ANKAR: variants seen among roughly 807,000 people sequenced by gnomAD.
The protein encoded by ANKAR is ankyrin and armadillo repeat-containing protein.
In ANKAR, 136 loss-of-function variants were observed where a neutral mutation model predicts 146.2. The observed-to-expected ratio is 0.93, with a 90% CI of 0.81 to 1.07. ANKAR has a LOEUF of 1.07. Among genes scored for constraint, ANKAR ranks in the 50% least tolerant of loss-of-function variants. The pLI, the probability that ANKAR is intolerant of heterozygous loss-of-function variation, is 0.00. For missense variants in ANKAR, 1,567 were observed against 1,679.9 expected (o/e 0.93, Z 1.18); for synonymous variants, 500 against 575.8 (o/e 0.87, Z 1.88).
chr2:189,696,398 T>A, intron 7 of ANKAR, 29 bp downstream of exon 7: 1 of 1,590,476 alleles, frequency 6.3e-7, no homozygotes, highest in Non-Finnish European at 8.6e-7. Flanking sequence ...ACCTAAAATG[T>A]TGTTATTTTA....
chr2:189,705,553 A>AT (rs1248847912), intron 8 of ANKAR, among the ~76,000 whole-genome samples: 1 of 152,180 alleles, frequency 6.6e-6, no homozygotes, highest in African/African-American at 2.4e-5. Context: ...GGTTCTGCAG[A>AT]TTAACTTTTC....
Position 189,719,770 on chromosome 2 carries a change from A to G in ANKAR, c.2423A>G (p.Tyr808Cys). ...EVHSRCAVIL[Y>C]DIAQCENKDV... ...CACTCTCGCTGTGCTGTCATTCTAT[A>G]TGATATTGCTCAATGTGAAAACAAG... is the stretch of plus-strand genomic sequence containing the variant. The change falls in exon 11 of 23, where the codon TAT becomes TGT. Residue 808 changes from tyrosine to cysteine, a missense_variant. Physicochemically the swap from Tyr to Cys is radical, Grantham distance 194 (BLOSUM62 -2). Transcript: ENST00000684021. 6.2e-7 allele frequency: 1 copy of G among 1,610,000 alleles called. No individual in the cohort carries two copies.
Position 189,676,640 on chromosome 2 carries a change from A to G in ANKAR, c.150A>G (p.Ala50=), listed in dbSNP as rs1251547477. The change falls in exon 2 of 23, where the codon GCA becomes GCG. Residue 50 remains alanine (A), a synonymous_variant. Transcript: ENST00000684021. The part of the protein sequence containing the change: ...RSEIQELLTT[A]LVSWLSAKED... ...AAATACAAGAGTTACTAACTACTGCACTAGTTAGCTGGTTGTCTGCCAAAG... is the reference window on the plus strand; with the variant it reads ...AAATACAAGAGTTACTAACTACTGCGCTAGTTAGCTGGTTGTCTGCCAAAG... The G allele has an allele frequency of 1.2e-6, 2 of 1,614,188 alleles. No homozygotes were observed.
intron 17 of ANKAR, among the ~76,000 whole-genome samples, chr2:189,734,922 T>C (rs766015851): frequency 9.2e-5 from 14 of 151,638 alleles, no homozygotes; most frequent in Non-Finnish European, 1.9e-4. Context: ...CGAGATTGCA[T>C]CACTGCACTC....
chr2:189,706,095 G>T (rs997527753), intron 8 of ANKAR, among the ~76,000 whole-genome samples: 1 of 151,762 alleles, frequency 6.6e-6, no homozygotes, highest in African/African-American at 2.4e-5. Flanking sequence ...ATCATGTCTA[G>T]CCATGAGAAG....
chr2:189,747,397 A>T (rs1475676095), downstream of ANKAR: 3 of 151,758 alleles, frequency 2.0e-5, no homozygotes, highest in Admixed American at 2.0e-4. Flanking sequence ...AAGAAAAATT[A>T]AAAAAGAAAA....
At chr2:189,744,261 G>A (rs982108873) in intron 21 of ANKAR, among the ~76,000 whole-genome samples, 2 of 152,112 alleles carry the variant, frequency 1.3e-5, no homozygotes, top group Non-Finnish European at 2.9e-5. Flanking sequence ...TTGAAAAGCC[G>A]AAAGTCTAAA....
At chr2:189,762,918 C>T (rs546888804), downstream of ANKAR, 38 of 985,238 alleles carry the variant, frequency 3.9e-5, no homozygotes, top group South Asian at 1.4e-3. Context: ...ACCTGCATTT[C>T]CCCCAGATTT....
In ANKAR at chr2:189,676,736, T is replaced by C. The variant is rs751159792; in HGVS notation, c.246T>C (p.Thr82=). ...AAATGAATAACGTAGGCTTCTCCAC[T>C]GCAATCCTACTGACTCCCGTGGACC... ...MSQMNNVGFS[T]AILLTPVDPT... Residue 82 remains threonine (T), a synonymous_variant, in exon 2 of 23, where the codon ACT becomes ACC. Coordinates refer to ENST00000684021, the MANE Select transcript of ANKAR (RefSeq NM_001378068.1). The C allele has an allele frequency of 1.9e-6, 3 of 1,614,210 alleles. No individual in the cohort carries two copies. The highest frequency in any genetic ancestry group is 2.5e-6 in the Non-Finnish European group (3 of 1,180,042).
intron 7 of ANKAR, among the ~76,000 whole-genome samples, 171 bp from the exon 8 acceptor site, chr2:189,704,852 C>T (rs989756595): frequency 4.0e-5 from 6 of 148,880 alleles, no homozygotes; most frequent in Non-Finnish European, 7.4e-5. Flanking sequence ...GATTTTTAAT[C>T]CTGAGTTAAA....
intron 10 of ANKAR, 49 bp from the exon 11 acceptor site, chr2:189,719,523 G>A (rs757768554): frequency 6.7e-7 from 1 of 1,496,750 alleles, no homozygotes; most frequent in Admixed American, 1.8e-5. Flanking sequence ...GACTACAAAT[G>A]GTTACCAATA....
At chr2:189,754,824 G>T in intron 18 of ANKAR, 1 of 269,528 alleles carries the variant, frequency 3.7e-6, no homozygotes, top group South Asian at 5.3e-5. Context: ...CATCTTTAAT[G>T]TCCTTATGTT....
intron 18 of ANKAR, among the ~76,000 whole-genome samples, chr2:189,759,005 G>C (rs1172935045): frequency 6.6e-6 from 1 of 152,160 alleles, no homozygotes; most frequent in Non-Finnish European, 1.5e-5. Context: ...GTTACTGTCT[G>C]CACCACTTGT....
At chr2:189,759,520 G>A (rs562301814) in intron 18 of ANKAR, among the ~76,000 whole-genome samples, 7 of 152,290 alleles carry the variant, frequency 4.6e-5, no homozygotes, top group South Asian at 2.1e-4. Flanking sequence ...AAAGTGATGC[G>A]ATTACAGGCG....
rs145408486 is a variant in ANKAR at position 189,705,132 on chromosome 2, G to A, written c.1818G>A (p.Pro606=). 325 of 1,614,132 alleles carry A rather than the reference G, an allele frequency of 2.0e-4. 1 individual carries two copies. Among genetic ancestry groups the A allele is most frequent in the African/African-American group, 5.9e-4 (44 of 75,038 alleles). The change falls in exon 8 of 23, where the codon CCG becomes CCA. Residue 606 remains proline (P), a synonymous_variant. Transcript: ENST00000684021. ...TTTCTGAAAAAAGAGGCTGGATGCC[G>A]ATTCACTTTGCCGCTTTCTATGACA... ...YTLSEKRGWM[P]IHFAAFYDNV...
rs2043572050 is a variant in ANKAR, at chr2:189,742,955, CACACACACACACACACACACACA to C, written c.3811-319_3811-297del. Among the ~76,000 whole-genome samples the C allele has an allele frequency of 5.6e-5, 8 of 143,836 alleles. No homozygotes were observed. The South Asian group carries it at 8.8e-4, about 16-fold the overall frequency. The allele number at this position is 143,836 out of a possible 152,430, so 94.4% of individuals were successfully genotyped here. A position where few individuals can be genotyped will look rare whatever the true frequency, so the allele number is the denominator to read the frequency against. On this transcript the variant is annotated intron_variant, in intron 20 of 22. Coordinates refer to ENST00000684021, the MANE Select transcript of ANKAR (RefSeq NM_001378068.1). ...ACACACACACACACACACACACACA[CACACACACACACACACACACACA>C]CACCCCTGAAAGGATTCTGATTTAG...
Position 189,696,471 on chromosome 2 carries a change from A to G in ANKAR, c.1708+102A>G. ...TAGAGCAGGTTAAAATTTGGTATTA[A>G]CTAGAGCAAAGTTGAGGTTTTTGTT... is the stretch of plus-strand genomic sequence containing the variant. On this transcript the variant is annotated intron_variant, in intron 7 of 22. Transcript: ENST00000684021. 1.6e-5 allele frequency: 18 copies of G among 1,130,838 alleles called. No individual in the cohort carries two copies. The South Asian group carries it at 2.6e-4, about 17-fold the overall frequency. 70.1% of individuals were successfully genotyped at this position (1,130,838 alleles called of 1,614,324 possible).
Position 189,738,604 on chromosome 2 carries a change from ATTAC to A in ANKAR, c.3625_3628del (p.Thr1209CysfsTer9), listed in dbSNP as rs778057017. ...TAAAGTCATTAGAGATATGGACCAT[ATTAC>A]TTTGTCTGCAAGAGGTGTTACTATT... On this transcript the variant is annotated frameshift_variant, in exon 19 of 23. Coordinates refer to ENST00000684021, the MANE Select transcript of ANKAR (RefSeq NM_001378068.1). LOFTEE classifies it high-confidence loss of function. 3.1e-6 allele frequency: 5 copies of A among 1,611,934 alleles called. No individual in the cohort carries two copies. Among genetic ancestry groups the A allele is most frequent in the Non-Finnish European group, 3.4e-6 (4 of 1,178,754 alleles).
At chr2:189,759,374 A>T (rs1312842472) in intron 18 of ANKAR, among the ~76,000 whole-genome samples, 1 of 151,732 alleles carries the variant, frequency 6.6e-6, no homozygotes, top group African/African-American at 2.4e-5. Context: ...TCAGCCTCCC[A>T]AGTAGCTGCG....
Sources: gnomAD v4.1 joint callset for allele counts (sites outside exome capture counted in the v4.1 genomes callset) on GRCh38, gnomAD v4.1.1 for gene constraint, MANE v1.5 for transcripts, NCBI Gene and HGNC (gene_info 2026-07-23, HGNC 2026-07-21) for gene names.